NBPF10: variants seen among roughly 807,000 people sequenced by gnomAD.
NBPF10 encodes the protein NBPF member 10.
NBPF10 carries 63 observed loss-of-function variants against 77.9 expected under a neutral mutation model. That is an observed-to-expected ratio of 0.81 (90% CI 0.66 to 1.00). The LOEUF (loss-of-function observed/expected upper bound fraction) is 1.00. Ranked by LOEUF, NBPF10 falls within the 50% of genes least tolerant of loss-of-function variation. The pLI is 0.00. For missense variants in NBPF10, 522 were observed against 679.8 expected (o/e 0.77, Z 2.58); for synonymous variants, 146 against 264.5 (o/e 0.55, Z 4.35).
chr1:146,136,165 GAAAC>G (rs1237523158), intron 7 of NBPF10, among the ~76,000 whole-genome samples, 184 bp downstream of exon 7: 1 of 151,704 alleles, frequency 6.6e-6, no homozygotes, highest in Non-Finnish European at 1.5e-5. Flanking sequence ...AAGGCTCTGA[GAAAC>G]AACTGCAACC....
Position 146,126,219 on chromosome 1 carries a change from C to T in NBPF10, c.2026+17G>A, listed in dbSNP as rs1353431751. 11 of 1,548,082 alleles carry T rather than the reference C, an allele frequency of 7.1e-6. No individual in the cohort carries two copies. The Middle Eastern group carries it at 9.2e-4, about 130-fold the overall frequency. Reference sequence around the variant, plus strand: ...AGACTCAGTGGATCCTTATCACCTTCATAGAAAGGTACTCACCATCCATGT... The same window carrying T: ...AGACTCAGTGGATCCTTATCACCTTTATAGAAAGGTACTCACCATCCATGT... On this transcript the variant is annotated intron_variant, in intron 14 of 89. Coordinates refer to ENST00000583866, the Ensembl canonical transcript of NBPF10.
chr1:146,067,325 T>A (rs782751967), intron 88 of NBPF10, 37 bp from the exon 89 acceptor site: 1 of 478,140 alleles, frequency 2.1e-6, no homozygotes, highest in Non-Finnish European at 3.6e-6. Flanking sequence ...CACATTAAGC[T>A]GATTCCCCTA....
intron 5 of NBPF10, among the ~76,000 whole-genome samples, chr1:146,139,284 T>C (rs6687637): frequency 6.8e-6 from 1 of 148,132 alleles, no homozygotes; most frequent in African/African-American, 2.5e-5. Flanking sequence ...TTTTTTTTTG[T>C]ATTTTTAGTA....
exon 3 of NBPF10, chr1:146,141,776 G>A (rs782111366): frequency 7.4e-7 from 1 of 1,343,758 alleles, no homozygotes; most frequent in Non-Finnish European, 1.0e-6. Flanking sequence ...CCCTTAGCTG[G>A]GTCAGCTCTC....
At chr1:146,067,032 A>G (rs1323831238) in intron 89 of NBPF10, 148 bp downstream of exon 89, 9 of 502,016 alleles carry the variant, frequency 1.8e-5, no homozygotes, top group African/African-American at 1.4e-4. Context: ...AAACCTAAAC[A>G]TCTACTGCAA....
chr1:146,127,956 G>A (rs1486876657), intron 12 of NBPF10, among the ~76,000 whole-genome samples, 163 bp downstream of exon 12: 4 of 150,344 alleles, frequency 2.7e-5, no homozygotes, highest in African/African-American at 5.0e-5. Context: ...CCATGCCTGT[G>A]CTTCAGACTT....
chr1:146,142,442 AAG>A (rs1660401340), intron 2 of NBPF10, among the ~76,000 whole-genome samples: 1 of 133,894 alleles, frequency 7.5e-6, no homozygotes, highest in African/African-American at 2.5e-5. Context: ...TTGTTTGAAA[AAG>A]AGAAAACAAG....
intron 2 of NBPF10, among the ~76,000 whole-genome samples, chr1:146,142,247 A>G (rs1194884766): frequency 8.9e-6 from 1 of 112,614 alleles, no homozygotes; most frequent in Admixed American, 9.5e-5. Flanking sequence ...GAAAAGAAGG[A>G]CAGGGTCGAG....
chr1:146,066,531 C>G (rs782475764), exon 90 of NBPF10: 173 of 696,496 alleles, frequency 2.5e-4, no homozygotes, highest in Non-Finnish European at 8.4e-5. Flanking sequence ...AGACTTCACG[C>G]TCTTCCACTT....
At chr1:146,126,354 C>A (rs587773799) in exon 14 of NBPF10, 5 of 1,379,586 alleles carry the variant, frequency 3.6e-6, no homozygotes, top group South Asian at 2.3e-5. Flanking sequence ...AACATCTATC[C>A]TGTGAGTCCT....
Position 146,126,227 on chromosome 1 carries a change from G to T in NBPF10, c.2026+9C>A, listed in dbSNP as rs1305915811. ...TGGATCCTTATCACCTTCATAGAAA[G>T]GTACTCACCATCCATGTCAATAGCC... On this transcript the variant is annotated intron_variant, in intron 14 of 89. Coordinates refer to ENST00000583866, the Ensembl canonical transcript of NBPF10. 5.7e-6 allele frequency: 9 copies of T among 1,586,402 alleles called. No homozygotes were observed. In the Admixed American group the frequency reaches 1.5e-4, roughly 26 times the overall value.
In NBPF10 at chr1:146,125,818, G is replaced by T. The variant is rs1299150679; in HGVS notation, c.2027-302C>A. On this transcript the variant is annotated intron_variant, in intron 14 of 89. Transcript: ENST00000583866. Reference sequence around the variant, plus strand: ...CGATTTAAAGCAAATGCCCCCAAATGGTTGCTAGGAGAAAAACTGCACTAT... The same window carrying T: ...CGATTTAAAGCAAATGCCCCCAAATTGTTGCTAGGAGAAAAACTGCACTAT... 3.4e-5 allele frequency among the ~76,000 whole-genome samples: 5 copies of T among 149,190 alleles called. No homozygotes were observed. The East Asian group carries it at 5.9e-4, about 18-fold the overall frequency.
intron 14 of NBPF10, 22 bp downstream of exon 14, chr1:146,126,214 A>G: frequency 1.3e-6 from 2 of 1,513,528 alleles, no homozygotes; most frequent in East Asian, 2.3e-5. Flanking sequence ...GATCCTTATC[A>G]CCTTCATAGA....
chr1:146,073,067 G>T (rs1655815270), intron 81 of NBPF10, among the ~76,000 whole-genome samples, 166 bp from the exon 82 acceptor site: 1 of 62,396 alleles, frequency 1.6e-5, no homozygotes, highest in Admixed American at 1.8e-4. Flanking sequence ...CCAGGGCCAG[G>T]TAGAAAAGAA....
exon 14 of NBPF10, chr1:146,126,280 T>C (rs200993154): frequency 4.5e-5 from 73 of 1,606,470 alleles, no homozygotes; most frequent in Non-Finnish European, 5.4e-5. Flanking sequence ...CTCCAATATG[T>C]AAAAGGCACT....
At chr1:146,138,837 TGCAGAG>T (rs1188369732) in intron 5 of NBPF10, among the ~76,000 whole-genome samples, 1 of 143,812 alleles carries the variant, frequency 7.0e-6, no homozygotes, top group African/African-American at 2.5e-5. Context: ...CAGGCTGCAG[TGCAGAG>T]GCACAATCTC....
At chr1:146,126,515 A>T (rs1658686618) in intron 13 of NBPF10, 107 bp from the exon 14 acceptor site, 1 of 717,328 alleles carries the variant, frequency 1.4e-6, no homozygotes, top group African/African-American at 1.8e-5. Context: ...AAGAAAAAGG[A>T]CAGATCCATT....
chr1:146,123,861 GT>G, intron 17 of NBPF10, 65 bp downstream of exon 17: 2 of 370,368 alleles, frequency 5.4e-6, no homozygotes, highest in Non-Finnish European at 9.0e-6. Context: ...AGCCCGCTCT[GT>G]TTTCCCTGAA....
intron 2 of NBPF10, among the ~76,000 whole-genome samples, chr1:146,142,442 A>C (rs1213140296): frequency 7.5e-6 from 1 of 133,894 alleles, no homozygotes; most frequent in Admixed American, 7.4e-5. Context: ...TTGTTTGAAA[A>C]AGAGAAAACA....
Sources: gnomAD v4.1 joint callset for allele counts (sites outside exome capture counted in the v4.1 genomes callset) on GRCh38, gnomAD v4.1.1 for gene constraint, MANE v1.5 for transcripts, NCBI Gene and HGNC (gene_info 2026-07-23, HGNC 2026-07-21) for gene names.